Variants in GFRAL observed in about 807,000 individuals in gnomAD.
The protein encoded by GFRAL is GDNF family receptor alpha like.
In GFRAL, 36 loss-of-function variants were observed where a neutral mutation model predicts 45.4. The ratio of observed to expected loss-of-function variants is 0.79; its 90% CI spans 0.61 to 1.05. The LOEUF (loss-of-function observed/expected upper bound fraction) is 1.05, where lower values mean the gene tolerates loss of function less well. Ranked by LOEUF, GFRAL falls within the 50% of genes least tolerant of loss-of-function variation. The probability of loss-of-function intolerance (pLI) is 0.00; values close to 1 mark genes in which losing one functional copy is unlikely to be tolerated. For synonymous variants in GFRAL, 166 were observed against 154.1 expected, an observed-to-expected ratio of 1.08 and a Z score of -0.57; for missense variants, 507 against 467.5, an observed-to-expected ratio of 1.08 and a Z score of -0.78.
intron 1 of GFRAL, 122 bp from the exon 2 acceptor site, chr6:55,331,593 C>T: frequency 4.1e-6 from 3 of 739,586 alleles, no homozygotes. Context: ...TTATTCCCAC[C>T]ATCAATTATT....
At chr6:55,337,433 A>G (rs941928706) in intron 3 of GFRAL, among the ~76,000 whole-genome samples, 1 of 152,168 alleles carries the variant, frequency 6.6e-6, no homozygotes, top group African/African-American at 2.4e-5. Context: ...ATCAACTGGG[A>G]AGTATTTCCT....
chr6:55,329,709 A>C (rs1050189420), intron 1 of GFRAL, among the ~76,000 whole-genome samples: 2 of 152,144 alleles, frequency 1.3e-5, no homozygotes, highest in African/African-American at 4.8e-5. Context: ...TTTCCACTCC[A>C]GCCCTCAGCA....
chr6:55,331,646 T>A, intron 1 of GFRAL, 69 bp from the exon 2 acceptor site: 1 of 1,419,108 alleles, frequency 7.0e-7, no homozygotes, highest in Non-Finnish European at 9.6e-7. Flanking sequence ...TTATCATTAA[T>A]AACTTAGATT....
intron 3 of GFRAL, among the ~76,000 whole-genome samples, chr6:55,342,465 A>G (rs946108143): frequency 7.2e-5 from 11 of 152,120 alleles, no homozygotes; most frequent in African/African-American, 2.4e-4. Context: ...TTTACAGAAA[A>G]GCAAATGCTG....
intron 6 of GFRAL, among the ~76,000 whole-genome samples, chr6:55,392,739 G>A (rs1768770338): frequency 6.6e-6 from 1 of 152,030 alleles, no homozygotes; most frequent in South Asian, 2.1e-4. Context: ...TGGAGGGTGG[G>A]AGGAGGGAGA....
At chr6:55,330,784 A>G in intron 1 of GFRAL, among the ~76,000 whole-genome samples, 1 of 152,140 alleles carries the variant, frequency 6.6e-6, no homozygotes, top group East Asian at 1.9e-4. Context: ...AGGGGTTACA[A>G]AGAACCTATC....
intron 6 of GFRAL, among the ~76,000 whole-genome samples, chr6:55,375,108 C>G (rs1768506585): frequency 6.6e-6 from 1 of 151,952 alleles, no homozygotes. Flanking sequence ...CTATTTCGCT[C>G]TTTTTTTGCT....
intron 3 of GFRAL, among the ~76,000 whole-genome samples, chr6:55,337,387 CTT>C (rs1235503297): frequency 1.3e-5 from 2 of 151,838 alleles, no homozygotes; most frequent in Non-Finnish European, 2.9e-5. Flanking sequence ...CTTATAATGT[CTT>C]TGGTTTGGTA....
rs1768905784 is a variant in GFRAL, at chr6:55,401,977, T to C, written c.*124T>C. On this transcript the variant is annotated 3_prime_UTR_variant, in exon 9 of 9. Coordinates refer to ENST00000340465, the MANE Select transcript of GFRAL (RefSeq NM_207410.2). ...CCCCTCCCCTCTCTGTTTCTTTTTC[T>C]TTTTCTTTTCTTTTTTGTGGCGGAG... is the stretch of plus-strand genomic sequence containing the variant. 3 of 606,040 alleles carry C rather than the reference T, an allele frequency of 5.0e-6. No individual in the cohort carries two copies. 37.5% of individuals were successfully genotyped at this position (606,040 alleles called of 1,614,324 possible).
intron 3 of GFRAL, among the ~76,000 whole-genome samples, chr6:55,348,607 T>A (rs1768075978): frequency 6.6e-6 from 1 of 152,098 alleles, no homozygotes; most frequent in Non-Finnish European, 1.5e-5. Context: ...TTTCCCTGCG[T>A]TCTCAGGACC....
At chr6:55,334,690 GTCCAA>G (rs67606393) in intron 3 of GFRAL, among the ~76,000 whole-genome samples, 140,125 of 151,892 alleles carry the variant, frequency 0.92, 65,404 homozygotes, top group Non-Finnish European at 1. Flanking sequence ...TGGTCTCATC[GTCCAA>G]TCCAACCCAT....
At chr6:55,330,664 G>C (rs1023457823) in intron 1 of GFRAL, among the ~76,000 whole-genome samples, 1 of 152,062 alleles carries the variant, frequency 6.6e-6, no homozygotes, top group Non-Finnish European at 1.5e-5. Context: ...AAATGCTTGA[G>C]ACCTTCCAGA....
intron 3 of GFRAL, among the ~76,000 whole-genome samples, chr6:55,346,019 A>G (rs1159395805): frequency 5.9e-5 from 9 of 152,156 alleles, no homozygotes; most frequent in Non-Finnish European, 1.3e-4. Flanking sequence ...TAGAATGGCG[A>G]TCATTAAAAA....
rs75166346 is a variant in GFRAL, at chr6:55,400,035, G to A, written c.1121+594G>A. ...TGTAGTAATGCTCCAGCAGGCATGTGAGACATTGAGATGAGATATACATCA... is the reference window on the plus strand; with the variant it reads ...TGTAGTAATGCTCCAGCAGGCATGTAAGACATTGAGATGAGATATACATCA... On this transcript the variant is annotated intron_variant, in intron 8 of 8. Coordinates refer to ENST00000340465, the MANE Select transcript of GFRAL (RefSeq NM_207410.2). Among the ~76,000 whole-genome samples the A allele has an allele frequency of 6.1e-3, 922 of 152,174 alleles. 17 individuals are homozygous for A. The highest frequency in any genetic ancestry group is 0.021 in the African/African-American group (881 of 41,542).
In GFRAL at chr6:55,366,598, A is replaced by C. The variant is rs1324998757; in HGVS notation, c.952+7460A>C. 2.3e-5 allele frequency among the ~76,000 whole-genome samples: 3 copies of C among 132,902 alleles called. 1 individual carries two copies. Among genetic ancestry groups the C allele is most frequent in the African/African-American group, 9.5e-5 (3 of 31,562 alleles). The allele number at this position is 132,902 out of a possible 152,430, so 87.2% of individuals were successfully genotyped here. Reference sequence around the variant, plus strand: ...CATTTAGTCCTATAAATTTCCCTCTACACACTGCTTTGAATGTGTCCCAGA... The same window carrying C: ...CATTTAGTCCTATAAATTTCCCTCTCCACACTGCTTTGAATGTGTCCCAGA... On this transcript the variant is annotated intron_variant, in intron 6 of 8. Coordinates refer to ENST00000340465, the MANE Select transcript of GFRAL (RefSeq NM_207410.2).
chr6:55,390,477 A>T (rs1375731807), intron 6 of GFRAL, among the ~76,000 whole-genome samples: 1 of 152,200 alleles, frequency 6.6e-6, no homozygotes, highest in African/African-American at 2.4e-5. Context: ...AAGCAACAAG[A>T]TCACTCTTAA....
At chr6:55,379,703 G>T (rs1270046347) in intron 6 of GFRAL, among the ~76,000 whole-genome samples, 2 of 151,660 alleles carry the variant, frequency 1.3e-5, no homozygotes, top group African/African-American at 4.8e-5. Flanking sequence ...CATTTTTCAA[G>T]AATGTAATAT....
chr6:55,374,884 T>C (rs1159448748), intron 6 of GFRAL, among the ~76,000 whole-genome samples: 1 of 152,186 alleles, frequency 6.6e-6, no homozygotes, highest in Non-Finnish European at 1.5e-5. Context: ...TAGGGATTCC[T>C]TTCCCCACTG....
intron 3 of GFRAL, among the ~76,000 whole-genome samples, chr6:55,346,842 CA>C (rs35145939): frequency 4.1e-5 from 4 of 98,192 alleles, no homozygotes; most frequent in African/African-American, 1.4e-4. Context: ...CCCCCCCCCC[CA>C]AAAAAAAGAA....
Sources: gnomAD v4.1 joint callset for allele counts (sites outside exome capture counted in the v4.1 genomes callset) on GRCh38, gnomAD v4.1.1 for gene constraint, MANE v1.5 for transcripts, NCBI Gene and HGNC (gene_info 2026-07-23, HGNC 2026-07-21) for gene names.